HDAC9: variants seen among roughly 807,000 people sequenced by gnomAD.
HDAC9 encodes the protein histone deacetylase 9.
Under a neutral mutation model 139.4 loss-of-function variants are expected in HDAC9, and 41 were observed. The observed-to-expected ratio is 0.29, with a 90% CI of 0.23 to 0.38. The LOEUF (loss-of-function observed/expected upper bound fraction) is 0.38. HDAC9 is among the 10% of genes least tolerant of loss of function. HDAC9 has a pLI of 1.00. For synonymous variants in HDAC9, 517 were observed against 476.2 expected, an observed-to-expected ratio of 1.09 and a Z score of -1.12; for missense variants, 1,147 against 1,297.0, an observed-to-expected ratio of 0.88 and a Z score of 1.78.
rs952549907 is a variant in HDAC9, at chr7:18,696,747, C to T, written c.1731+30271C>T. ...CCTCCCAAAGTGCTGGGATTACAGG[C>T]GTGAGCCACCGTGCCCAGCCAGTTG... On this transcript the variant is annotated intron_variant, in intron 12 of 25. Transcript: ENST00000686413. 7.5e-4 allele frequency among the ~76,000 whole-genome samples: 114 copies of T among 152,210 alleles called. 3 individuals carry two copies. Among genetic ancestry groups the T allele is most frequent in the Admixed American group, 7.2e-3 (110 of 15,294 alleles).
intron 6 of HDAC9, among the ~76,000 whole-genome samples, chr7:18,609,054 G>A (rs943007208): frequency 6.6e-6 from 1 of 152,098 alleles, no homozygotes; most frequent in Non-Finnish European, 1.5e-5. Flanking sequence ...ATTTCAAAAT[G>A]CATATTTTAA....
intron 16 of HDAC9, among the ~76,000 whole-genome samples, chr7:18,768,669 C>G (rs1490041452): frequency 1.3e-5 from 2 of 151,986 alleles, no homozygotes; most frequent in African/African-American, 4.8e-5. Context: ...AAAAATGAAA[C>G]AAACCTAATG....
chr7:18,414,972 A>G (rs1788913993), intron 1 of HDAC9, among the ~76,000 whole-genome samples: 1 of 152,070 alleles, frequency 6.6e-6, no homozygotes, highest in South Asian at 2.1e-4. Flanking sequence ...TATTTGTTCT[A>G]TGGCCTGTGT....
At chr7:18,429,587 A>G (rs1355082358) in intron 1 of HDAC9, among the ~76,000 whole-genome samples, 1 of 149,760 alleles carries the variant, frequency 6.7e-6, no homozygotes, top group Non-Finnish European at 1.5e-5. Context: ...GTGTGTATGT[A>G]TTTTAAACTT....
intron 1 of HDAC9, among the ~76,000 whole-genome samples, chr7:18,103,171 T>C (rs1267887826): frequency 6.6e-6 from 1 of 152,068 alleles, no homozygotes; most frequent in African/African-American, 2.4e-5. Context: ...CTCATGAGAC[T>C]TGTTCACTAC....
rs533761932 is a variant in HDAC9 at position 18,848,692 on chromosome 7, G to A, written c.2684+12695G>A. Among the ~76,000 whole-genome samples the A allele has an allele frequency of 2.4e-4, 36 of 151,990 alleles. No homozygotes were observed. The South Asian group carries it at 7.3e-3, about 31-fold the overall frequency. On this transcript the variant is annotated intron_variant, in intron 21 of 25. Transcript: ENST00000686413. ...TATTTCTTTTTTAATGGCAACCTGAGCAGAATAAGACAGACACTATAAAGA... is the reference window on the plus strand; with the variant it reads ...TATTTCTTTTTTAATGGCAACCTGAACAGAATAAGACAGACACTATAAAGA...
chr7:18,662,526 G>T (rs17150249), intron 11 of HDAC9, among the ~76,000 whole-genome samples: 3,057 of 152,106 alleles, frequency 0.02, 95 homozygotes, highest in African/African-American at 0.06. Flanking sequence ...GTGGATAATT[G>T]CAGGAGTGGA....
chr7:18,184,044 C>G (rs1000979323), intron 2 of HDAC9, among the ~76,000 whole-genome samples: 1 of 152,060 alleles, frequency 6.6e-6, no homozygotes, highest in Non-Finnish European at 1.5e-5. Flanking sequence ...ATCTGACATG[C>G]TTGGGACCAG....
At chr7:18,393,703 G>A (rs1786757210) in intron 1 of HDAC9, among the ~76,000 whole-genome samples, 1 of 152,064 alleles carries the variant, frequency 6.6e-6, no homozygotes, top group Non-Finnish European at 1.5e-5. Flanking sequence ...TGACAGAGCT[G>A]CTTTTAATAC....
chr7:18,143,848 A>G (rs562196104), intron 1 of HDAC9, among the ~76,000 whole-genome samples: 93 of 152,160 alleles, frequency 6.1e-4, no homozygotes, highest in Middle Eastern at 3.4e-3. Flanking sequence ...GGTGCACAGT[A>G]TGGCTGTGCA....
At chr7:18,829,339 C>CT in intron 18 of HDAC9, 122 bp from the exon 19 acceptor site, 1 of 1,117,896 alleles carries the variant, frequency 8.9e-7, no homozygotes, top group Non-Finnish European at 1.4e-6. Flanking sequence ...CGAGGTACTC[C>CT]CAGAAGCAGA....
intron 13 of HDAC9, among the ~76,000 whole-genome samples, chr7:18,747,581 A>G (rs10234485): frequency 0.034 from 5,156 of 152,266 alleles, 291 homozygotes; most frequent in African/African-American, 0.12. Flanking sequence ...TATGAAAACC[A>G]TGAGACAACT....
rs567602524 is a variant in HDAC9 at position 18,938,317 on chromosome 7, C to G, written c.2937+2375C>G. Among the ~76,000 whole-genome samples, 22 of 151,526 alleles carry G rather than the reference C, an allele frequency of 1.5e-4. No homozygotes were observed. In the East Asian group the frequency reaches 4.1e-3, roughly 28 times the overall value. On this transcript the variant is annotated intron_variant, in intron 23 of 25. Transcript: ENST00000686413. ...TCCTATATGAAAGTATCTCGCTGGC[C>G]GGGCGCGGTGTCTCACGCCTGTAAT...
At chr7:18,568,532 G>A (rs543428244) in intron 2 of HDAC9, among the ~76,000 whole-genome samples, 4 of 152,146 alleles carry the variant, frequency 2.6e-5, no homozygotes, top group South Asian at 2.1e-4. Flanking sequence ...AGTTGACTGC[G>A]TATTGTGAAG....
At chr7:18,247,757 G>T (rs1049171258) in intron 2 of HDAC9, among the ~76,000 whole-genome samples, 6 of 152,228 alleles carry the variant, frequency 3.9e-5, no homozygotes, top group African/African-American at 1.4e-4. Flanking sequence ...TTCTCAGGAT[G>T]CTCTTTGTCA....
chr7:18,447,794 G>T (rs956142960), intron 1 of HDAC9, among the ~76,000 whole-genome samples: 1 of 152,152 alleles, frequency 6.6e-6, no homozygotes. Flanking sequence ...CTCCTATAGT[G>T]TATGTATTCC....
rs562896722 is a variant in HDAC9, at chr7:18,846,409, A to G, written c.2684+10412A>G. On this transcript the variant is annotated intron_variant, in intron 21 of 25. Coordinates refer to ENST00000686413, the MANE Select transcript of HDAC9 (RefSeq NM_178425.4). Reference sequence around the variant, plus strand: ...CCTTGAGATAATTTCTAGGACTTACATGACCTCATTAAATTCCGACTCTAG... The same window carrying G: ...CCTTGAGATAATTTCTAGGACTTACGTGACCTCATTAAATTCCGACTCTAG... 3.3e-5 allele frequency among the ~76,000 whole-genome samples: 5 copies of G among 152,336 alleles called. No individual in the cohort carries two copies. The South Asian group carries it at 1.0e-3, about 32-fold the overall frequency.
intron 12 of HDAC9, among the ~76,000 whole-genome samples, chr7:18,716,608 T>C (rs957058321): frequency 6.6e-6 from 1 of 150,476 alleles, no homozygotes; most frequent in Non-Finnish European, 1.5e-5. Flanking sequence ...CTGGAACCTT[T>C]ATGTCTGAGG....
intron 2 of HDAC9, among the ~76,000 whole-genome samples, chr7:18,222,401 A>G (rs570705296): frequency 1.4e-3 from 217 of 152,290 alleles, no homozygotes; most frequent in Non-Finnish European, 2.2e-3. Context: ...GGTAGCTGTT[A>G]GCTTTATGTG....
Sources: gnomAD v4.1 joint callset for allele counts (sites outside exome capture counted in the v4.1 genomes callset) on GRCh38, gnomAD v4.1.1 for gene constraint, MANE v1.5 for transcripts, NCBI Gene and HGNC (gene_info 2026-07-23, HGNC 2026-07-21) for gene names.